Variants in CAPN7 observed in about 807,000 individuals in gnomAD.
The protein encoded by CAPN7 is calpain 7.
In CAPN7, 72 loss-of-function variants were observed where a neutral mutation model predicts 115.2. The observed-to-expected ratio is 0.63, with a 90% CI of 0.52 to 0.76. CAPN7 has a LOEUF of 0.76. Among genes scored for constraint, CAPN7 ranks in the 30% least tolerant of loss-of-function variants. The pLI is 0.00. For missense variants in CAPN7, 905 were observed against 971.5 expected (o/e 0.93, Z 0.91); for synonymous variants, 344 against 322.3 (o/e 1.07, Z -0.72).
chr3:15,247,007 T>C (rs2125012195), intron 18 of CAPN7, among the ~76,000 whole-genome samples: 1 of 152,352 alleles, frequency 6.6e-6, no homozygotes, highest in Non-Finnish European at 1.5e-5. Flanking sequence ...ATGCAAACTT[T>C]GGTTGTTAGA....
At chr3:15,213,570 T>C (rs1294480611) in intron 2 of CAPN7, among the ~76,000 whole-genome samples, 1 of 152,224 alleles carries the variant, frequency 6.6e-6, no homozygotes, top group East Asian at 1.9e-4. Flanking sequence ...TATATTTCCA[T>C]CTTTCTTTTC....
intron 12 of CAPN7, 97 bp from the exon 13 acceptor site, chr3:15,240,376 G>T (rs1167657501): frequency 4.6e-6 from 5 of 1,082,620 alleles, no homozygotes; most frequent in Non-Finnish European, 6.8e-6. Context: ...GAGGGGAAAA[G>T]AATTGATAAG....
intron 3 of CAPN7, among the ~76,000 whole-genome samples, chr3:15,218,097 A>C (rs1004488348): frequency 6.6e-6 from 1 of 152,194 alleles, no homozygotes; most frequent in African/African-American, 2.4e-5. Flanking sequence ...TGGTATCCCC[A>C]TGTCTTTCTG....
intron 1 of CAPN7, among the ~76,000 whole-genome samples, chr3:15,210,121 C>T (rs1411471887): frequency 6.6e-6 from 1 of 152,082 alleles, no homozygotes; most frequent in Non-Finnish European, 1.5e-5. Context: ...CAGCCTCAGC[C>T]TCCTGAGTAG....
chr3:15,223,679 G>T (rs554973126), intron 6 of CAPN7, 118 bp downstream of exon 6: 61 of 646,330 alleles, frequency 9.4e-5, no homozygotes, highest in Non-Finnish European at 1.6e-4. Flanking sequence ...GGAATAGAGG[G>T]GTGGCTGTGG....
At chr3:15,247,555 A>T (rs1695739904) in intron 19 of CAPN7, 98 bp downstream of exon 19, 1 of 903,428 alleles carries the variant, frequency 1.1e-6, no homozygotes, top group Admixed American at 2.8e-5. Flanking sequence ...ATATATGGAC[A>T]TTGGATTTAT....
chr3:15,236,907 A>G (rs1695024985), intron 12 of CAPN7, among the ~76,000 whole-genome samples: 1 of 152,194 alleles, frequency 6.6e-6, no homozygotes, highest in Non-Finnish European at 1.5e-5. Context: ...GTGAATGGGA[A>G]AGCCTAGGAC....
Position 15,206,713 on chromosome 3 carries a change from T to G in CAPN7, c.102+116T>G, listed in dbSNP as rs981914982. 6.9e-6 allele frequency: 5 copies of G among 720,252 alleles called. No individual in the cohort carries two copies. The African/African-American group carries it at 9.5e-5, about 14-fold the overall frequency. 44.6% of individuals were successfully genotyped at this position (720,252 alleles called of 1,614,324 possible). The stretch of plus-strand genomic sequence containing the variant: ...TAGCGGCCCCGGCTTTGCTTTTCCC[T>G]CGTCCGCCTCCCGGCCCTCCTCTTG... On this transcript the variant is annotated intron_variant, in intron 1 of 20. Transcript: ENST00000253693.
intron 2 of CAPN7, among the ~76,000 whole-genome samples, chr3:15,213,446 T>C (rs1028132900): frequency 6.6e-6 from 1 of 152,222 alleles, no homozygotes; most frequent in African/African-American, 2.4e-5. Context: ...CATTGCACTA[T>C]CATGGAAACC....
intron 15 of CAPN7, 81 bp downstream of exon 15, chr3:15,241,669 C>G (rs1695359689): frequency 8.3e-7 from 1 of 1,198,826 alleles, no homozygotes; most frequent in Non-Finnish European, 1.2e-6. Context: ...TACGTAAACA[C>G]CAGCCTGTTT....
chr3:15,240,386 G>A, intron 12 of CAPN7, 87 bp from the exon 13 acceptor site: 1 of 1,147,540 alleles, frequency 8.7e-7, no homozygotes, highest in Admixed American at 2.2e-5. Context: ...GAATTGATAA[G>A]TACTCAGTTC....
At chr3:15,241,322 G>A in intron 14 of CAPN7, 131 bp from the exon 15 acceptor site, 2 of 809,092 alleles carry the variant, frequency 2.5e-6, no homozygotes, top group South Asian at 1.9e-5. Flanking sequence ...TCCTAGTTAT[G>A]CCAAAAAAAT....
chr3:15,224,265 ATTT>A (rs113901975), intron 6 of CAPN7, among the ~76,000 whole-genome samples: 3 of 145,202 alleles, frequency 2.1e-5, no homozygotes, highest in African/African-American at 7.6e-5. Flanking sequence ...GATGTCCCAA[ATTT>A]TTTTTTTTTT....
intron 9 of CAPN7, among the ~76,000 whole-genome samples, chr3:15,231,571 C>G (rs888987903): frequency 4.8e-4 from 73 of 151,724 alleles, no homozygotes; most frequent in African/African-American, 1.7e-3. Flanking sequence ...ACTCTGTCAC[C>G]CAGGCTGGAG....
chr3:15,214,162 G>A (rs1176995619), intron 2 of CAPN7, among the ~76,000 whole-genome samples: 2 of 152,128 alleles, frequency 1.3e-5, no homozygotes, highest in Non-Finnish European at 2.9e-5. Context: ...TTACAGGCGT[G>A]AGCCACCATG....
Position 15,241,402 on chromosome 3 carries a change from A to G in CAPN7, c.1653-51A>G, listed in dbSNP as rs754298578. ...ACTTTTTGAAATAGTGTTATATTTT[A>G]GCTCTATGAGAAATTTAATTACAAC... is the stretch of plus-strand genomic sequence containing the variant. On this transcript the variant is annotated intron_variant, in intron 14 of 20. Coordinates refer to ENST00000253693, the MANE Select transcript of CAPN7 (RefSeq NM_014296.3). The G allele has an allele frequency of 8.9e-6, 14 of 1,568,074 alleles. No individual in the cohort carries two copies. In the Admixed American group the frequency reaches 2.4e-4, roughly 27 times the overall value.
Position 15,234,996 on chromosome 3 carries a change from T to A in CAPN7, c.1287-29T>A. The A allele has an allele frequency of 1.9e-6, 3 of 1,585,076 alleles. No homozygotes were observed. In the East Asian group the frequency reaches 6.7e-5, roughly 35 times the overall value. On this transcript the variant is annotated intron_variant, in intron 11 of 20. Transcript: ENST00000253693. The stretch of plus-strand genomic sequence containing the variant: ...CTTAGATTACAAATGTGTTTTACTT[T>A]AATTAATTGTCTTTGGGGTTCATTC...
chr3:15,221,942 A>G (rs942582940), intron 5 of CAPN7, among the ~76,000 whole-genome samples: 1 of 151,944 alleles, frequency 6.6e-6, no homozygotes, highest in African/African-American at 2.4e-5. Flanking sequence ...CAACAGAGGG[A>G]GATCCCGTCT....
At position 15,227,942 on chromosome 3, in the gene CAPN7, G is replaced by T; in HGVS notation, c.829G>T (p.Val277Leu). The T allele has an allele frequency of 1.4e-6, 2 of 1,476,358 alleles. No individual in the cohort carries two copies. The highest frequency in any genetic ancestry group is 1.5e-5 in the South Asian group (1 of 64,892). 91.5% of individuals were successfully genotyped at this position (1,476,358 alleles called of 1,614,324 possible). A position where few individuals can be genotyped will look rare whatever the true frequency, so the allele number is the denominator to read the frequency against. Residue 277 changes from valine to leucine, a missense_variant, in exon 7 of 21, where the codon GTG becomes TTG. Coordinates refer to ENST00000253693, the MANE Select transcript of CAPN7 (RefSeq NM_014296.3). ...CAACAATCCTACAATGATATATACT[G>T]TGTCCAGTTTTAGCATAAAGCAGGT... The part of the protein sequence containing the change: ...LTNNPTMIYT[V>L]SSFSIKQTIV...
Sources: allele counts gnomAD v4.1 joint callset (sites outside exome capture counted in the v4.1 genomes callset), GRCh38; gene constraint gnomAD v4.1.1; transcripts MANE v1.5; gene names NCBI Gene and HGNC (gene_info 2026-07-23, HGNC 2026-07-21).